PAH: variants seen among roughly 807,000 people sequenced by gnomAD.
PAH encodes phenylalanine hydroxylase, also known as phenylalanine-4-hydroxylase.
In PAH, 64 loss-of-function variants were observed where a neutral mutation model predicts 62.0. The observed-to-expected ratio is 1.03, with a 90% CI of 0.84 to 1.27. The LOEUF is 1.27. Ranked by LOEUF, PAH falls within the 50% of genes most tolerant of loss-of-function variation. The pLI, the probability that PAH is intolerant of heterozygous loss-of-function variation, is 0.00. For synonymous variants in PAH, 195 were observed against 196.2 expected (o/e 0.99, Z 0.05); for missense variants, 579 against 542.8 (o/e 1.07, Z -0.66).
In PAH at chr12:102,957,490, AG is replaced by A. The variant is rs3834469; in HGVS notation, c.-96+704del. Among the ~76,000 whole-genome samples the A allele has an allele frequency of 0.4, 51,457 of 129,596 alleles. 9,786 individuals are homozygous for A. Among genetic ancestry groups the A allele is most frequent in the African/African-American group, 0.53 (19,562 of 36,636 alleles). The allele number at this position is 129,596 out of a possible 152,430, so 85.0% of individuals were successfully genotyped here. ...GCAAGGAGCGGGAGAAAGGAACGGG[AG>A]GGGGGGAGAGGAGAGGAGGAGGGGG... On this transcript the variant is annotated intron_variant, in intron 1 of 4. Coordinates refer to the PAH transcript ENST00000551337. This position sits in a 1 kb window ranked among gnomAD's most constrained non-coding sequence, Gnocchi z 4.1.
At chr12:102,895,869 A>AAAAATAT (rs953209518) in intron 2 of PAH, among the ~76,000 whole-genome samples, 8 of 118,742 alleles carry the variant, frequency 6.7e-5, no homozygotes, top group African/African-American at 2.1e-4. Flanking sequence ...AAAAAAAAAA[A>AAAAATAT]ATATATATAT....
chr12:102,916,204 TATTAACGTTAAC>T (rs1878376557), intron 1 of PAH, among the ~76,000 whole-genome samples: 1 of 152,200 alleles, frequency 6.6e-6, no homozygotes, highest in Non-Finnish European at 1.5e-5. Flanking sequence ...TTTCTAGTTA[TATTAACGTTAAC>T]ATTAACCATT....
chr12:102,845,801 T>C (rs571236195), intron 9 of PAH, among the ~76,000 whole-genome samples: 5 of 152,218 alleles, frequency 3.3e-5, no homozygotes, highest in African/African-American at 9.6e-5. Flanking sequence ...ACACAGCAAA[T>C]TAAGGGCAGC....
intron 1 of PAH, among the ~76,000 whole-genome samples, chr12:102,915,624 T>C (rs921329942): frequency 2.4e-4 from 36 of 152,332 alleles, no homozygotes; most frequent in African/African-American, 8.4e-4. Context: ...CCATGCACTT[T>C]GTAAATCAGT....
At chr12:102,958,164 T>A (rs1370470930) in intron 1 of PAH, 2 of 1,126,158 alleles carry the variant, frequency 1.8e-6, no homozygotes, top group Non-Finnish European at 2.3e-6. Context: ...GCACCCAAGT[T>A]CTCTCTGTGT....
intron 5 of PAH, among the ~76,000 whole-genome samples, chr12:102,861,688 G>A (rs1437345643): frequency 1.3e-5 from 2 of 152,112 alleles, no homozygotes; most frequent in African/African-American, 4.8e-5. Context: ...ATAGGGACAT[G>A]GGTGAAACTG....
upstream of PAH, among the ~76,000 whole-genome samples, chr12:102,955,676 G>T (rs557340388): frequency 1.2e-4 from 19 of 152,248 alleles, no homozygotes; most frequent in African/African-American, 4.6e-4. Flanking sequence ...ACTCTGGCTG[G>T]GAGGTGCAGG....
At chr12:102,855,499 G>A (rs1400645699) in intron 5 of PAH, among the ~76,000 whole-genome samples, 167 bp from the exon 6 acceptor site, 1 of 152,202 alleles carries the variant, frequency 6.6e-6, no homozygotes, top group Non-Finnish European at 1.5e-5. Flanking sequence ...CTTGATATAG[G>A]AAACATTGTT....
At chr12:102,952,563 C>T (rs1231682484), upstream of PAH, among the ~76,000 whole-genome samples, 1 of 152,082 alleles carries the variant, frequency 6.6e-6, no homozygotes, top group East Asian at 1.9e-4. Flanking sequence ...TCTTTATGCT[C>T]ATCCAAGGAA....
chr12:102,955,980 CG>C (rs1438900915), intron 1 of PAH, among the ~76,000 whole-genome samples: 1 of 152,116 alleles, frequency 6.6e-6, no homozygotes, highest in Admixed American at 6.5e-5. Context: ...TGATTCACTT[CG>C]GGAGCCGCCC....
chr12:102,861,970 A>T (rs1486845733), intron 5 of PAH, among the ~76,000 whole-genome samples: 3,893 of 151,408 alleles, frequency 0.026, 177 homozygotes, highest in African/African-American at 0.088. Context: ...AAAGTATAAA[A>T]AAAAAAAAAA....
intron 4 of PAH, among the ~76,000 whole-genome samples, chr12:102,875,147 C>T (rs947218298): frequency 2.6e-5 from 4 of 152,148 alleles, no homozygotes; most frequent in East Asian, 3.8e-4. Context: ...GAGAGCCTGG[C>T]GCCTCGTCTT....
intron 5 of PAH, among the ~76,000 whole-genome samples, chr12:102,855,550 T>A (rs1341186599): frequency 2.0e-5 from 3 of 152,234 alleles, no homozygotes; most frequent in Non-Finnish European, 2.9e-5. Context: ...GGTTAAGCAG[T>A]GATACAGGCT....
chr12:102,855,289 T>C lies in PAH; in HGVS notation c.553A>G (p.Lys185Glu). 6.2e-7 allele frequency: 1 copy of C among 1,614,056 alleles called. No individual in the cohort carries two copies. Among genetic ancestry groups the C allele is most frequent in the Non-Finnish European group, 8.5e-7 (1 of 1,179,912 alleles). ...GTCTTGAACACTGTGCCCCATGTTT[T>C]CTTTTCTTCCTCCATGTATTCCACT... is the stretch of plus-strand genomic sequence containing the variant. The part of the protein sequence containing the change: ...PRVEYMEEEK[K>E]TWGTVFKTLK... The change falls in exon 6 of 13, where the codon AAA becomes GAA. Residue 185 changes from lysine to glutamate, a missense_variant. By Grantham distance (56) the Lys-to-Glu change is moderately conservative (BLOSUM62 1). Transcript: ENST00000553106.
At chr12:102,913,195 G>A (rs989438859) in intron 1 of PAH, among the ~76,000 whole-genome samples, 2 of 152,126 alleles carry the variant, frequency 1.3e-5, no homozygotes, top group Non-Finnish European at 2.9e-5. Flanking sequence ...CAACTACTAG[G>A]TTCCAGGCAC....
At chr12:102,865,822 C>T (rs182552415) in intron 5 of PAH, among the ~76,000 whole-genome samples, 1 of 152,334 alleles carries the variant, frequency 6.6e-6, no homozygotes, top group African/African-American at 2.4e-5. Flanking sequence ...TCTTCTCCAT[C>T]TCCCTGAGAT....
At chr12:102,885,583 G>A (rs951435910) in intron 3 of PAH, among the ~76,000 whole-genome samples, 1 of 152,190 alleles carries the variant, frequency 6.6e-6, no homozygotes, top group Non-Finnish European at 1.5e-5. Flanking sequence ...TGGAGAGCTG[G>A]CCCTGGACAC....
At chr12:102,849,300 A>G (rs1400399321) in intron 8 of PAH, among the ~76,000 whole-genome samples, 1 of 152,084 alleles carries the variant, frequency 6.6e-6, no homozygotes, top group Non-Finnish European at 1.5e-5. Flanking sequence ...TGTGCTGGAG[A>G]AGGTTTGAGA....
At chr12:102,930,420 T>C (rs1447034719) in intron 1 of PAH, among the ~76,000 whole-genome samples, 1 of 152,178 alleles carries the variant, frequency 6.6e-6, no homozygotes, top group Non-Finnish European at 1.5e-5. Flanking sequence ...CAGTTAGGTA[T>C]GACTGCCATC....
Sources: gnomAD v4.1 joint callset for allele counts (sites outside exome capture counted in the v4.1 genomes callset) on GRCh38, gnomAD v4.1.1 for gene constraint, Gnocchi (gnomAD v3.1) non-coding constraint, MANE v1.5 for transcripts, NCBI Gene and HGNC (gene_info 2026-07-23, HGNC 2026-07-21) for gene names.